The following BBS1 variants were observed in gnomAD, a reference collection of about 807,000 sequenced individuals.
BBS1 encodes Bardet-Biedl syndrome 1.
In BBS1, 60 loss-of-function variants were observed where a neutral mutation model predicts 73.9. The ratio of observed to expected loss-of-function variants is 0.81; its 90% CI spans 0.66 to 1.01. The LOEUF (loss-of-function observed/expected upper bound fraction) is 1.01, where lower values mean the gene tolerates loss of function less well. BBS1 is among the 50% of genes least tolerant of loss of function. The probability of loss-of-function intolerance (pLI) is 0.00; values close to 1 mark genes in which losing one functional copy is unlikely to be tolerated. For missense variants in BBS1, 718 were observed against 770.3 expected (o/e 0.93, Z 0.80); for synonymous variants, 283 against 317.4 (o/e 0.89, Z 1.15).
At chr11:66,525,281 C>T (rs997308206) in intron 11 of BBS1, among the ~76,000 whole-genome samples, 1 of 151,696 alleles carries the variant, frequency 6.6e-6, no homozygotes, top group South Asian at 2.1e-4. Context: ...ATCACTTGAA[C>T]CTGGGAGGCA....
Position 66,526,130 on chromosome 11 carries a change from T to TG in BBS1, c.1119dup (p.Thr374AspfsTer41). 1 of 1,614,206 alleles carries TG rather than the reference T, an allele frequency of 6.2e-7. No homozygotes were observed. The highest frequency in any genetic ancestry group is 8.5e-7 in the Non-Finnish European group (1 of 1,180,024). ...TCTGACGTCTCCACATAGGATGCAG[T>TG]GACCAGCCTTTGCTTTGGCCGGTAC... On this transcript the variant is annotated frameshift_variant, in exon 12 of 17. Transcript: ENST00000318312. LOFTEE classifies it high-confidence loss of function.
intron 9 of BBS1, among the ~76,000 whole-genome samples, chr11:66,522,314 G>A (rs1044691006): frequency 6.6e-6 from 1 of 151,340 alleles, no homozygotes; most frequent in Non-Finnish European, 1.5e-5. Context: ...TTATGCATTA[G>A]TTTAATATTC....
chr11:66,531,622 G>A (rs1227110340), intron 15 of BBS1, 34 bp from the exon 16 acceptor site: 4 of 1,613,906 alleles, frequency 2.5e-6, no homozygotes, highest in South Asian at 2.2e-5. Flanking sequence ...TGGCACGAGG[G>A]CTGGTTTCCT....
rs767601210 is a variant in BBS1 at position 66,530,971 on chromosome 11, G to C, written c.1551G>C (p.Leu517=). The C allele has an allele frequency of 6.2e-7, 1 of 1,614,244 alleles. No homozygotes were observed. Among genetic ancestry groups the C allele is most frequent in the Non-Finnish European group, 8.5e-7 (1 of 1,180,042 alleles). The change falls in exon 15 of 17, where the codon CTG becomes CTC. Residue 517 remains leucine (L), a synonymous_variant. Coordinates refer to ENST00000318312, the MANE Select transcript of BBS1 (RefSeq NM_024649.5). The part of the protein sequence containing the change: ...NTSTTRPVLG[L]LVCFLYNEAL... ...CAACAACCCGTCCTGTCCTGGGGCT[G>C]CTGGTCTGCTTCCTGTACAACGAGG...
intron 7 of BBS1, among the ~76,000 whole-genome samples, chr11:66,518,272 T>C (rs1856098762): frequency 6.6e-6 from 1 of 151,588 alleles, no homozygotes; most frequent in African/African-American, 2.4e-5. Flanking sequence ...TTTTATTTAT[T>C]TTTGAAACGG....
intron 7 of BBS1, 121 bp downstream of exon 7, chr11:66,516,054 T>C: frequency 4.8e-5 from 44 of 920,198 alleles, no homozygotes; most frequent in Non-Finnish European, 1.7e-6. Flanking sequence ...CTATATCCCT[T>C]CCAGCCATGC....
intron 3 of BBS1, among the ~76,000 whole-genome samples, chr11:66,514,033 C>G (rs1856000719): frequency 6.6e-6 from 1 of 152,216 alleles, no homozygotes; most frequent in African/African-American, 2.4e-5. Context: ...GTGTCCCCGT[C>G]CCCTCCCACA....
At chr11:66,512,920 C>T (rs1239473486) in intron 3 of BBS1, among the ~76,000 whole-genome samples, 3 of 151,454 alleles carry the variant, frequency 2.0e-5, no homozygotes, top group Non-Finnish European at 2.9e-5. Context: ...TGCAGTGAGC[C>T]GAAATCACGC....
rs1186817031 is a variant in BBS1, at chr11:66,523,898, G to A, written c.1110+16G>A. On this transcript the variant is annotated intron_variant, in intron 11 of 16. Transcript: ENST00000318312. The stretch of plus-strand genomic sequence containing the variant: ...CCACACCCCGGTGAGCCCCATCTCC[G>A]GCATCTGCCACTCACTCCTCCTTGC... 17 of 1,611,872 alleles carry A rather than the reference G, an allele frequency of 1.1e-5. No homozygotes were observed. The highest frequency in any genetic ancestry group is 1.4e-5 in the Non-Finnish European group (17 of 1,180,000).
Position 66,514,559 on chromosome 11 carries a change from G to A in BBS1, c.313G>A (p.Ala105Thr), listed in dbSNP as rs1227716494. ...EQHEPRTPAL[A>T]LASGPCVYVY... Reference sequence around the variant, plus strand: ...ACATGAGCCCCGGACCCCAGCTCTGGCACTTGCTTCAGGCCCTTGTGTCTA... The same window carrying A: ...ACATGAGCCCCGGACCCCAGCTCTGACACTTGCTTCAGGCCCTTGTGTCTA... The change falls in exon 4 of 17, where the codon GCA becomes ACA. Residue 105 changes from alanine (A) to threonine (T), a missense_variant. Coordinates refer to ENST00000318312, the MANE Select transcript of BBS1 (RefSeq NM_024649.5). 5.0e-6 allele frequency: 8 copies of A among 1,614,128 alleles called. No homozygotes were observed. The highest frequency in any genetic ancestry group is 5.9e-6 in the Non-Finnish European group (7 of 1,180,042).
intron 11 of BBS1, among the ~76,000 whole-genome samples, chr11:66,525,647 C>T (rs755759229): frequency 6.6e-6 from 1 of 152,172 alleles, no homozygotes; most frequent in Non-Finnish European, 1.5e-5. Context: ...AAACAACTGG[C>T]TTGGGCCATA....
chr11:66,519,890 A>C (rs1856150544), intron 8 of BBS1, 142 bp downstream of exon 8: 2 of 1,131,402 alleles, frequency 1.8e-6, no homozygotes, highest in South Asian at 2.7e-5. Context: ...ATATATATCC[A>C]AAAATCCTAC....
chr11:66,523,379 G>A (rs1220815613), intron 9 of BBS1, 77 bp from the exon 10 acceptor site: 3 of 1,607,566 alleles, frequency 1.9e-6, no homozygotes, highest in Non-Finnish European at 2.6e-6. Context: ...AGTCCATGAG[G>A]TTTAGACAGA....
chr11:66,529,588 T>C (rs1479258182), intron 13 of BBS1: 3 of 691,680 alleles, frequency 4.3e-6, no homozygotes, highest in African/African-American at 1.8e-5. Flanking sequence ...AGGAGCTAGA[T>C]AGTGCAGGCA....
At position 66,531,964 on chromosome 11, in the gene BBS1, G is replaced by A. The variant is rs1856803176; in HGVS notation, c.1709G>A (p.Arg570Gln). ...ACTCCTCCATAGGTGCTGGTGCTTCGAGAAGGCCAAAGTGCACCCCTGCTG... is the reference window on the plus strand; with the variant it reads ...ACTCCTCCATAGGTGCTGGTGCTTCAAGAAGGCCAAAGTGCACCCCTGCTG... ...ISDIIKVLVL[R>Q]EGQSAPLLSA... The change falls in exon 17 of 17, where the codon CGA becomes CAA. Residue 570 changes from arginine to glutamine, a missense_variant. Physicochemically the swap from Arg to Gln is conservative, Grantham distance 43. Transcript: ENST00000318312. 7 of 1,599,048 alleles carry A rather than the reference G, an allele frequency of 4.4e-6. No individual in the cohort carries two copies. The highest frequency in any genetic ancestry group is 1.8e-4 in the Middle Eastern group (1 of 5,530).
At chr11:66,518,793 TGTCA>T (rs1383566842) in intron 7 of BBS1, among the ~76,000 whole-genome samples, 1 of 150,716 alleles carries the variant, frequency 6.6e-6, no homozygotes, top group Non-Finnish European at 1.5e-5. Context: ...GGTCTTACTC[TGTCA>T]GTCAGGCTGG....
Position 66,531,991 on chromosome 11 carries a change from G to A in BBS1, c.1736G>A (p.Ser579Asn). ...GAAGGCCAAAGTGCACCCCTGCTGA[G>A]TGCCCACGTCAACATGCCTGGGAGC... ...LREGQSAPLL[S>N]AHVNMPGSEG... Residue 579 changes from serine to asparagine, a missense_variant, in exon 17 of 17, where the codon AGT (serine) becomes AAT (asparagine). Coordinates refer to ENST00000318312, the MANE Select transcript of BBS1 (RefSeq NM_024649.5). 6.2e-7 allele frequency: 1 copy of A among 1,607,672 alleles called. No individual in the cohort carries two copies.
At position 66,523,480 on chromosome 11, in the gene BBS1, C is replaced by A. The variant is rs1057516427; in HGVS notation, c.855C>A (p.Cys285Ter). 3 of 1,614,148 alleles carry A rather than the reference C, an allele frequency of 1.9e-6. No homozygotes were observed. Among genetic ancestry groups the A allele is most frequent in the Non-Finnish European group, 2.5e-6 (3 of 1,180,028 alleles). ...LRRDSKHPKY[C>*]IELSAQPVGL... ...GAGACTCCAAGCACCCCAAGTACTG[C>A]ATCGAGCTGAGCGCCCAGCCTGTGG... The change falls in exon 10 of 17, where the codon TGC becomes TGA. Residue 285 changes from cysteine (C) to a stop codon, truncating the protein, a stop_gained. Coordinates refer to ENST00000318312, the MANE Select transcript of BBS1 (RefSeq NM_024649.5). LOFTEE classifies it high-confidence loss of function.
At position 66,517,946 on chromosome 11, in the gene BBS1, CT is replaced by C. The variant is rs36119187; in HGVS notation, c.592-1661del. On this transcript the variant is annotated intron_variant, in intron 7 of 16. Coordinates refer to ENST00000318312, the MANE Select transcript of BBS1 (RefSeq NM_024649.5). ...TAAAACTAGGATTATACTAACGTCA[CT>C]TTTTTTTTTCTTTTCTTTTTTTTTT... Among the ~76,000 whole-genome samples, 262 of 143,628 alleles carry C rather than the reference CT, an allele frequency of 1.8e-3. 5 individuals carry two copies. In the East Asian group the frequency reaches 0.042, roughly 23 times the overall value. 94.2% of individuals were successfully genotyped at this position (143,628 alleles called of 152,430 possible).
Sources: allele counts gnomAD v4.1 joint callset (sites outside exome capture counted in the v4.1 genomes callset), GRCh38; gene constraint gnomAD v4.1.1; transcripts MANE v1.5; gene names NCBI Gene and HGNC (gene_info 2026-07-23, HGNC 2026-07-21).